The following EDN3 variants were observed in gnomAD, a reference collection of about 807,000 sequenced individuals.
The protein encoded by EDN3 is endothelin-3.
EDN3 carries 9 observed loss-of-function variants against 21.4 expected under a neutral mutation model. The ratio of observed to expected loss-of-function variants is 0.42; its 90% CI spans 0.25 to 0.73. The LOEUF (loss-of-function observed/expected upper bound fraction) is 0.73, where lower values mean the gene tolerates loss of function less well. Ranked by LOEUF, EDN3 falls within the 30% of genes least tolerant of loss-of-function variation. The pLI is 0.26. For missense variants in EDN3, 327 were observed against 309.4 expected, an observed-to-expected ratio of 1.06 and a Z score of -0.43; for synonymous variants, 133 against 126.2, an observed-to-expected ratio of 1.05 and a Z score of -0.36.
rs958504640 is a variant in EDN3 at position 59,321,026 on chromosome 20, G to A, written c.375G>A (p.Val125=). 9.3e-6 allele frequency: 15 copies of A among 1,614,232 alleles called. No homozygotes were observed. The highest frequency in any genetic ancestry group is 9.3e-6 in the Non-Finnish European group (11 of 1,180,048). The change falls in exon 3 of 5, where the codon GTG becomes GTA. Residue 125 remains valine, a synonymous_variant. Coordinates refer to ENST00000337938, the MANE Select transcript of EDN3 (RefSeq NM_207034.3). ...ACCCTGTGCTTTGCAGACAGACGGT[G>A]CCCTATGGACTGTCCAACTACAGAG... ...IIWINTPEQT[V]PYGLSNYRGS...
At chr20:59,324,139 C>T (rs1008604649) in intron 4 of EDN3, among the ~76,000 whole-genome samples, 192 bp from the exon 5 acceptor site, 3 of 152,172 alleles carry the variant, frequency 2.0e-5, no homozygotes, top group African/African-American at 7.2e-5. Flanking sequence ...TCTTTTCACA[C>T]TTTTCCAGTC....
At position 59,321,061 on chromosome 20, in the gene EDN3, G is replaced by T. The variant is rs779352707; in HGVS notation, c.410G>T (p.Arg137Leu). Residue 137 changes from arginine to leucine, a missense_variant, in exon 3 of 5, where the codon CGG (arginine) becomes CTG (leucine). Coordinates refer to ENST00000337938, the MANE Select transcript of EDN3 (RefSeq NM_207034.3). The part of the protein sequence containing the change: ...YGLSNYRGSF[R>L]GKRSAGPLPG... ...CTGTCCAACTACAGAGGAAGCTTCC[G>T]GGGCAAGAGGTCTGCGGGGCCACTT... 1 of 1,614,172 alleles carries T rather than the reference G, an allele frequency of 6.2e-7. No homozygotes were observed. The highest frequency in any genetic ancestry group is 8.5e-7 in the Non-Finnish European group (1 of 1,180,034).
At chr20:59,311,391 G>T (rs1473821264) in intron 2 of EDN3, among the ~76,000 whole-genome samples, 2 of 152,152 alleles carry the variant, frequency 1.3e-5, no homozygotes, top group Admixed American at 1.3e-4. Context: ...AGTGGTATGG[G>T]CTGCTTGATT....
chr20:59,304,629 T>G (rs1344725489), intron 2 of EDN3, among the ~76,000 whole-genome samples: 4 of 152,186 alleles, frequency 2.6e-5, no homozygotes, highest in Non-Finnish European at 5.9e-5. Flanking sequence ...ACGGTCATTT[T>G]TGCTCCCTTC....
At chr20:59,319,737 A>AG (rs1240375461) in intron 2 of EDN3, among the ~76,000 whole-genome samples, 3 of 151,364 alleles carry the variant, frequency 2.0e-5, no homozygotes, top group African/African-American at 7.3e-5. Flanking sequence ...AAAAAAAAAA[A>AG]AAAAAGAAAA....
chr20:59,320,577 G>A (rs1009891825), intron 2 of EDN3, among the ~76,000 whole-genome samples: 9 of 152,232 alleles, frequency 5.9e-5, no homozygotes, highest in Admixed American at 3.9e-4. Flanking sequence ...AGCAGAACCC[G>A]GCCCGGAGGA....
Position 59,301,725 on chromosome 20 carries a change from A to G in EDN3, c.365+3A>G, listed in dbSNP as rs760903971. ...ATCATTTGGATCAACACTCCCGAGT[A>G]AGTCAGCCTTTTGTGGTGAGGAACG... On this transcript the variant is annotated splice_donor_region_variant and intron_variant, in intron 2 of 4. Transcript: ENST00000337938. The G allele has an allele frequency of 1.2e-6, 2 of 1,614,118 alleles. No individual in the cohort carries two copies. The highest frequency in any genetic ancestry group is 2.2e-5 in the South Asian group (2 of 91,076).
chr20:59,308,972 C>G (rs1431216955), intron 2 of EDN3, among the ~76,000 whole-genome samples: 1 of 152,222 alleles, frequency 6.6e-6, no homozygotes, highest in East Asian at 1.9e-4. Flanking sequence ...AGCTTACAGA[C>G]TCTGGGAAAA....
At position 59,321,109 on chromosome 20, in the gene EDN3, A is replaced by G. The variant is rs774197901; in HGVS notation, c.458A>G (p.His153Arg). 5.6e-5 allele frequency: 91 copies of G among 1,614,092 alleles called. No homozygotes were observed. The East Asian group carries it at 1.9e-3, about 34-fold the overall frequency. Residue 153 changes from histidine (H) to arginine (R), a missense_variant, in exon 3 of 5, where the codon CAT (histidine) becomes CGT (arginine). Physicochemically the swap from His to Arg is conservative, Grantham distance 29. Coordinates refer to ENST00000337938, the MANE Select transcript of EDN3 (RefSeq NM_207034.3). ...GPLPGNLQLS[H>R]RPHLRCACVG... ...CTTCCAGGGAATCTGCAGCTCTCAC[A>G]TCGGCCACACTTGCGCTGCGCTTGT...
chr20:59,313,864 T>C (rs567402163), intron 2 of EDN3, among the ~76,000 whole-genome samples: 4 of 152,236 alleles, frequency 2.6e-5, no homozygotes, highest in Non-Finnish European at 5.9e-5. Flanking sequence ...GGAGCTATGT[T>C]TCCTGGCCTA....
In EDN3 at chr20:59,300,797, C is replaced by A; in HGVS notation, c.-16C>A. The A allele has an allele frequency of 6.2e-7, 1 of 1,607,846 alleles. No homozygotes were observed. The highest frequency in any genetic ancestry group is 8.5e-7 in the Non-Finnish European group (1 of 1,178,324). ...CCGTCCTCCTGGTCCGGTGCTCCGG[C>A]GCCTGATCTAGGTTCATGGAGCCGG... On this transcript the variant is annotated 5_prime_UTR_variant, in exon 1 of 5. Transcript: ENST00000337938.
At chr20:59,310,494 G>C (rs1432242988) in intron 2 of EDN3, among the ~76,000 whole-genome samples, 1 of 152,184 alleles carries the variant, frequency 6.6e-6, no homozygotes. Flanking sequence ...CCCAAGAATA[G>C]ACAGACAGGA....
rs111360812 is a variant in EDN3, at chr20:59,310,868, C to G, written c.365+9146C>G. Among the ~76,000 whole-genome samples, 295 of 152,196 alleles carry G rather than the reference C, an allele frequency of 1.9e-3. 1 individual carries two copies. The highest frequency in any genetic ancestry group is 6.8e-3 in the African/African-American group (283 of 41,528). On this transcript the variant is annotated intron_variant, in intron 2 of 4. Coordinates refer to ENST00000337938, the MANE Select transcript of EDN3 (RefSeq NM_207034.3). Reference sequence around the variant, plus strand: ...GAGAGTCAGAAGCAACTACATGAGACAGCAGAGGTCCATGTAACTTTTCTG... The same window carrying G: ...GAGAGTCAGAAGCAACTACATGAGAGAGCAGAGGTCCATGTAACTTTTCTG...
At chr20:59,303,953 A>C (rs1424566764) in intron 2 of EDN3, among the ~76,000 whole-genome samples, 1 of 152,230 alleles carries the variant, frequency 6.6e-6, no homozygotes, top group Non-Finnish European at 1.5e-5. Context: ...AGACTTGAGC[A>C]TTTTGAAATT....
rs1202722558 is a variant in EDN3, at chr20:59,305,100, A to G, written c.365+3378A>G. ...GGGGATGTTGCCCATAACTTCTGTG[A>G]TATCTTCCCAAAAGTCCATCGCCCC... On this transcript the variant is annotated intron_variant, in intron 2 of 4. Transcript: ENST00000337938. The surrounding 1 kb of genome is among the most constrained non-coding windows in gnomAD (Gnocchi z 4.2). Among the ~76,000 whole-genome samples, 2 of 152,138 alleles carry G rather than the reference A, an allele frequency of 1.3e-5. No individual in the cohort carries two copies. The highest frequency in any genetic ancestry group is 2.9e-5 in the Non-Finnish European group (2 of 68,022).
chr20:59,322,383 C>T lies in EDN3; in HGVS notation c.554C>T (p.Thr185Met), dbSNP rs368327225. The change falls in exon 4 of 5, where the codon ACG becomes ATG. Residue 185 changes from threonine (T) to methionine (M), a missense_variant. Transcript: ENST00000337938. The surrounding 1 kb of genome is among the most constrained non-coding windows in gnomAD (Gnocchi z 4.1). ...CTCTCTCCCCACAGTAATTCAAGGA[C>T]GGCAGAAAAAACAGACAAAGAAGAG... The part of the protein sequence containing the change: ...QTLDVSSNSR[T>M]AEKTDKEEEG... 7.9e-5 allele frequency: 128 copies of T among 1,613,898 alleles called. No homozygotes were observed. Among genetic ancestry groups the T allele is most frequent in the African/African-American group, 3.6e-4 (27 of 74,828 alleles).
chr20:59,314,639 G>A (rs1327244179), intron 2 of EDN3, among the ~76,000 whole-genome samples: 1 of 152,114 alleles, frequency 6.6e-6, no homozygotes, highest in Non-Finnish European at 1.5e-5. Context: ...GCCCAGTTTA[G>A]GTCTCCTGAC....
intron 2 of EDN3, among the ~76,000 whole-genome samples, chr20:59,302,904 G>A (rs1206127683): frequency 1.3e-5 from 2 of 152,092 alleles, no homozygotes; most frequent in African/African-American, 4.8e-5. Context: ...TGTGTCATCG[G>A]CACCTCAAAA....
rs374020215 is a variant in EDN3 at position 59,321,185 on chromosome 20, C to T, written c.534C>T (p.Asp178=). The T allele has an allele frequency of 9.3e-6, 15 of 1,614,118 alleles. No individual in the cohort carries two copies. Among genetic ancestry groups the T allele is most frequent in the Middle Eastern group, 1.6e-4 (1 of 6,082 alleles). The change falls in exon 3 of 5, where the codon GAC becomes GAT. Residue 178 remains aspartate, a synonymous_variant. Transcript: ENST00000337938. ...TGCACTTTTGCACCCAAACTCTGGA[C>T]GTCAGCAGGTATGACACCTCCTCCA... is the stretch of plus-strand genomic sequence containing the variant. ...ACLHFCTQTL[D]VSSNSRTAEK... is the part of the protein sequence containing the mutation.
Sources: gnomAD v4.1 joint callset for allele counts (sites outside exome capture counted in the v4.1 genomes callset) on GRCh38, gnomAD v4.1.1 for gene constraint, Gnocchi (gnomAD v3.1) non-coding constraint, MANE v1.5 for transcripts, NCBI Gene and HGNC (gene_info 2026-07-23, HGNC 2026-07-21) for gene names.